RALGDS: variants seen among roughly 807,000 people sequenced by gnomAD.
RALGDS encodes ral guanine nucleotide dissociation stimulator, also known as ral guanine nucleotide exchange factor.
Under a neutral mutation model 99.8 loss-of-function variants are expected in RALGDS, and 44 were observed. That is an observed-to-expected ratio of 0.44 (90% CI 0.35 to 0.57). RALGDS has a LOEUF of 0.57. Among genes scored for constraint, RALGDS ranks in the 20% least tolerant of loss-of-function variants. The pLI, the probability that RALGDS is intolerant of heterozygous loss-of-function variation, is 0.01. For synonymous variants in RALGDS, 529 were observed against 505.0 expected (o/e 1.05, Z -0.64); for missense variants, 1,022 against 1,203.1 (o/e 0.85, Z 2.23).
intron 1 of RALGDS, among the ~76,000 whole-genome samples, chr9:133,114,261 G>A (rs193021548): frequency 3.3e-4 from 51 of 152,328 alleles, no homozygotes; most frequent in East Asian, 1.5e-3. Flanking sequence ...GCTCTAGCCC[G>A]CGTGGAGCTG....
chr9:133,131,209 C>A (rs7875590), upstream of RALGDS: 9,274 of 1,240,730 alleles, frequency 7.5e-3, 559 homozygotes, highest in African/African-American at 0.14. Context: ...CCCAGCTGAG[C>A]AGACAGTTCA....
At chr9:133,147,865 C>A (rs925071562) in intron 1 of RALGDS, among the ~76,000 whole-genome samples, 1 of 152,188 alleles carries the variant, frequency 6.6e-6, no homozygotes, top group African/African-American at 2.4e-5. Flanking sequence ...TCATTTGCTC[C>A]CCTCTTTCCC....
intron 1 of RALGDS, among the ~76,000 whole-genome samples, chr9:133,147,767 T>A (rs1832648771): frequency 6.6e-6 from 1 of 152,194 alleles, no homozygotes; most frequent in African/African-American, 2.4e-5. Context: ...GTTTGGGTGT[T>A]GTCAAGGTAG....
rs1160677679 is a variant in RALGDS at position 133,097,891 on chromosome 9, C to A, written c.*696G>T. On this transcript the variant is annotated 3_prime_UTR_variant, in exon 18 of 18. Coordinates refer to ENST00000372050, the MANE Select transcript of RALGDS (RefSeq NM_006266.4). Reference sequence around the variant, plus strand: ...CCCAAATCCTCCTTCCTCACTAACCCCCGTCTTGCATGGTCTCGTAAAGCC... The same window carrying A: ...CCCAAATCCTCCTTCCTCACTAACCACCGTCTTGCATGGTCTCGTAAAGCC... The A allele has an allele frequency of 4.3e-6, 1 of 230,282 alleles. No homozygotes were observed. Among genetic ancestry groups the A allele is most frequent in the East Asian group, 6.1e-5 (1 of 16,336 alleles). 14.3% of individuals were successfully genotyped at this position (230,282 alleles called of 1,614,324 possible).
upstream of RALGDS, among the ~76,000 whole-genome samples, chr9:133,122,703 C>T (rs1831992942): frequency 6.6e-6 from 1 of 152,214 alleles, no homozygotes; most frequent in East Asian, 1.9e-4. Flanking sequence ...TAATAATCAG[C>T]TCTATGTGAT....
chr9:133,110,543 G>A (rs1357561178), intron 2 of RALGDS, 54 bp from the exon 3 acceptor site: 1 of 1,509,884 alleles, frequency 6.6e-7, no homozygotes, highest in African/African-American at 1.4e-5. Context: ...CGAATCTCCT[G>A]GAGCTCAGAT....
intron 1 of RALGDS, chr9:133,129,172 C>T (rs757175069): frequency 7.5e-6 from 12 of 1,596,560 alleles, no homozygotes; most frequent in Admixed American, 1.7e-5. Context: ...GAGGTGCCAG[C>T]CAAGGTGTCG....
intron 4 of RALGDS, among the ~76,000 whole-genome samples, chr9:133,109,371 G>A (rs1831227433): frequency 6.6e-6 from 1 of 152,178 alleles, no homozygotes; most frequent in Non-Finnish European, 1.5e-5. Context: ...AGGCCAGCTG[G>A]GATGAGGCTA....
At chr9:133,122,717 T>A (rs1336515243), upstream of RALGDS, among the ~76,000 whole-genome samples, 1 of 152,246 alleles carries the variant, frequency 6.6e-6, no homozygotes, top group Non-Finnish European at 1.5e-5. Context: ...ATGTGATAAA[T>A]GCTGTTTTTG....
chr9:133,101,929 G>A lies in RALGDS; in HGVS notation c.2211+9C>T. The A allele has an allele frequency of 6.4e-7, 1 of 1,550,996 alleles. No individual in the cohort carries two copies. The highest frequency in any genetic ancestry group is 8.7e-7 in the Non-Finnish European group (1 of 1,147,008). On this transcript the variant is annotated intron_variant, in intron 15 of 17. Coordinates refer to ENST00000372050, the MANE Select transcript of RALGDS (RefSeq NM_006266.4). Reference sequence around the variant, plus strand: ...GGAAAGGATATTGGGGAGAAGGGCAGGCAGTCACCTTCTTTTCCTGGCCAT... The same window carrying A: ...GGAAAGGATATTGGGGAGAAGGGCAAGCAGTCACCTTCTTTTCCTGGCCAT...
upstream of RALGDS, among the ~76,000 whole-genome samples, chr9:133,132,701 G>A (rs1229735672): frequency 2.0e-5 from 3 of 151,964 alleles, no homozygotes; most frequent in Non-Finnish European, 2.9e-5. Flanking sequence ...GTGCAGTGGC[G>A]CCATCTCGGC....
At chr9:133,113,919 T>C (rs1028263363) in intron 1 of RALGDS, among the ~76,000 whole-genome samples, 2 of 152,182 alleles carry the variant, frequency 1.3e-5, no homozygotes, top group Non-Finnish European at 2.9e-5. Context: ...ACATTAACCC[T>C]GGGGGAGCCC....
intron 1 of RALGDS, among the ~76,000 whole-genome samples, chr9:133,140,990 C>A (rs1832512147): frequency 6.6e-6 from 1 of 152,174 alleles, no homozygotes; most frequent in African/African-American, 2.4e-5. Context: ...CAGCCGACGA[C>A]CCCCAAGTGA....
At chr9:133,119,080 C>T (rs1371430020) in intron 1 of RALGDS, among the ~76,000 whole-genome samples, 2 of 152,216 alleles carry the variant, frequency 1.3e-5, no homozygotes, top group Admixed American at 1.3e-4. Context: ...GGCTTAGAAT[C>T]GGGAAGATAA....
chr9:133,145,332 A>T (rs967905480), intron 1 of RALGDS, among the ~76,000 whole-genome samples: 2 of 152,006 alleles, frequency 1.3e-5, no homozygotes, highest in African/African-American at 4.8e-5. Context: ...CACTCCCCAG[A>T]TGAGCACTTC....
At chr9:133,149,030 G>C in exon 1 of RALGDS, 1 of 1,501,192 alleles carries the variant, frequency 6.7e-7, no homozygotes, top group Non-Finnish European at 8.9e-7. Flanking sequence ...CCCGGGGCTC[G>C]CAGAGGCCGC....
At chr9:133,137,582 A>G (rs1020382131) in intron 1 of RALGDS, among the ~76,000 whole-genome samples, 3 of 152,240 alleles carry the variant, frequency 2.0e-5, no homozygotes, top group African/African-American at 7.2e-5. Context: ...TCCCCCCAGG[A>G]ACCAGGCTGA....
intron 8 of RALGDS, 145 bp from the exon 9 acceptor site, chr9:133,106,161 G>T: frequency 1.5e-6 from 1 of 681,798 alleles, no homozygotes; most frequent in South Asian, 1.6e-5. Flanking sequence ...CGCTCTGCAG[G>T]TCTGGGGAGG....
intron 1 of RALGDS, among the ~76,000 whole-genome samples, chr9:133,120,478 T>C (rs912798450): frequency 1.1e-4 from 12 of 114,184 alleles, no homozygotes. Context: ...GGTCACCAGA[T>C]CCACATCTGC....
Sources: gnomAD v4.1 joint callset for allele counts (sites outside exome capture counted in the v4.1 genomes callset) on GRCh38, gnomAD v4.1.1 for gene constraint, MANE v1.5 for transcripts, NCBI Gene and HGNC (gene_info 2026-07-23, HGNC 2026-07-21) for gene names.